Variants in PCDHB6 observed in about 807,000 individuals in gnomAD.
The protein encoded by PCDHB6 is protocadherin beta-6.
For missense variants in PCDHB6, 1,137 were observed against 1,010.1 expected, an observed-to-expected ratio of 1.13 and a Z score of -1.70; for synonymous variants, 506 against 459.0, an observed-to-expected ratio of 1.10 and a Z score of -1.31.
At position 141,153,129 on chromosome 5, in the gene PCDHB6, A is replaced by G. The variant is rs572876789; in HGVS notation, c.*487A>G. ...CATTCATACTTATGCATATTTTAGT[A>G]TCCCATAATAGTCAATCCAAAATTT... On this transcript the variant is annotated 3_prime_UTR_variant, in exon 1 of 1. Transcript: ENST00000231136. 1.2e-5 allele frequency: 2 copies of G among 167,124 alleles called. No homozygotes were observed. The highest frequency in any genetic ancestry group is 2.4e-5 in the African/African-American group (1 of 41,346). 10.4% of individuals were successfully genotyped at this position (167,124 alleles called of 1,614,324 possible).
At position 141,150,439 on chromosome 5, in the gene PCDHB6, G is replaced by A. The variant is rs782257197; in HGVS notation, c.182G>A (p.Arg61Gln). Residue 61 changes from arginine to glutamine, a missense_variant, in exon 1 of 1, where the codon CGG becomes CAG. Transcript: ENST00000231136. ...CTGAGGGTGGGGGAGCTGGCTTCGCGGGGCGCTCGGGTTGTTTTCAAAGGG... is the reference window on the plus strand; with the variant it reads ...CTGAGGGTGGGGGAGCTGGCTTCGCAGGGCGCTCGGGTTGTTTTCAAAGGG... The part of the protein sequence containing the change: ...LGLRVGELAS[R>Q]GARVVFKGNR... 8.1e-6 allele frequency: 13 copies of A among 1,613,946 alleles called. No individual in the cohort carries two copies. Among genetic ancestry groups the A allele is most frequent in the Admixed American group, 5.0e-5 (3 of 59,998 alleles).
In PCDHB6 at chr5:141,151,477, T is replaced by C. The variant is rs1752861384; in HGVS notation, c.1220T>C (p.Leu407Pro). ...NFYTLVTEGA[L>P]DRESRAEYNI... ...TACACCCTGGTAACAGAAGGCGCGC[T>C]GGACAGAGAGAGCAGAGCCGAGTAC... The change falls in exon 1 of 1, where the codon CTG becomes CCG. Residue 407 changes from leucine (L) to proline (P), a missense_variant. Leu to Pro is a moderately conservative substitution (Grantham distance 98). Transcript: ENST00000231136. The C allele has an allele frequency of 6.2e-7, 1 of 1,613,978 alleles. No individual in the cohort carries two copies. Among genetic ancestry groups the C allele is most frequent in the Admixed American group, 1.7e-5 (1 of 60,004 alleles).
rs1432255783 is a variant in PCDHB6, at chr5:141,153,104, CA to C, written c.*463del. On this transcript the variant is annotated 3_prime_UTR_variant, in exon 1 of 1. Coordinates refer to ENST00000231136, the MANE Select transcript of PCDHB6 (RefSeq NM_018939.4). ...AATGATGGCTAAACACTAAAGTAGC[CA>C]TTCATACTTATGCATATTTTAGTAT... 61 of 167,168 alleles carry C rather than the reference CA, an allele frequency of 3.6e-4. 1 individual carries two copies. Among genetic ancestry groups the C allele is most frequent in the Admixed American group, 2.6e-4 (4 of 15,292 alleles). The allele number at this position is 167,168 out of a possible 1,614,324, so 10.4% of individuals were successfully genotyped here.
Position 141,150,790 on chromosome 5 carries a change from A to C in PCDHB6, c.533A>C (p.His178Pro). 1.2e-6 allele frequency: 2 copies of C among 1,614,130 alleles called. No homozygotes were observed. Among genetic ancestry groups the C allele is most frequent in the Non-Finnish European group, 1.7e-6 (2 of 1,180,022 alleles). The change falls in exon 1 of 1, where the codon CAC (histidine) becomes CCC (proline). Residue 178 changes from histidine (H) to proline (P), a missense_variant. Physicochemically the swap from His to Pro is moderately conservative, Grantham distance 77. Transcript: ENST00000231136. ...RYTISSNPHF[H>P]VLTRNRSEGR... ...ACAATCAGCTCCAACCCTCACTTCC[A>C]CGTTCTCACCCGCAATCGCAGCGAA... is the stretch of plus-strand genomic sequence containing the variant.
In PCDHB6 at chr5:141,151,681, A is replaced by G; in HGVS notation, c.1424A>G (p.Asp475Gly). 1 of 1,613,260 alleles carries G rather than the reference A, an allele frequency of 6.2e-7. No individual in the cohort carries two copies. Among genetic ancestry groups the G allele is most frequent in the Non-Finnish European group, 8.5e-7 (1 of 1,180,010 alleles). ...ALHIGSVSAT[D>G]RDSGINAQVT... Reference sequence around the variant, plus strand: ...CACATCGGCAGCGTCAGCGCCACAGACAGAGACTCAGGCATCAACGCCCAG... The same window carrying G: ...CACATCGGCAGCGTCAGCGCCACAGGCAGAGACTCAGGCATCAACGCCCAG... Residue 475 changes from aspartate to glycine, a missense_variant, in exon 1 of 1, where the codon GAC becomes GGC. Coordinates refer to ENST00000231136, the MANE Select transcript of PCDHB6 (RefSeq NM_018939.4).
In PCDHB6 at chr5:141,150,467, C is replaced by G; in HGVS notation, c.210C>G (p.Asn70Lys). ...SRGARVVFKG[N>K]RQHLQFDPQT... ...GCGCTCGGGTTGTTTTCAAAGGGAA[C>G]AGACAACATTTGCAGTTTGATCCAC... Residue 70 changes from asparagine to lysine, a missense_variant, in exon 1 of 1, where the codon AAC becomes AAG. Asn to Lys is a moderately conservative substitution (Grantham distance 94). Transcript: ENST00000231136. 6.2e-7 allele frequency: 1 copy of G among 1,614,096 alleles called. No individual in the cohort carries two copies. The highest frequency in any genetic ancestry group is 8.5e-7 in the Non-Finnish European group (1 of 1,180,026).
Position 141,152,588 on chromosome 5 carries a change from T to A in PCDHB6, c.2331T>A (p.Thr777=). The A allele has an allele frequency of 6.2e-7, 1 of 1,612,796 alleles. No individual in the cohort carries two copies. The highest frequency in any genetic ancestry group is 8.5e-7 in the Non-Finnish European group (1 of 1,179,226). Reference sequence around the variant, plus strand: ...TGCCCAACTTCCCTCCTCAGGGCACTGAGAGAGAAATGGAAGAAACCCCCA... The same window carrying A: ...TGCCCAACTTCCCTCCTCAGGGCACAGAGAGAGAAATGGAAGAAACCCCCA... ...PIMPNFPPQG[T]EREMEETPTS... The change falls in exon 1 of 1, where the codon ACT becomes ACA. Residue 777 remains threonine (T), a synonymous_variant. Transcript: ENST00000231136.
In PCDHB6 at chr5:141,150,394, A is replaced by T. The variant is rs139700824; in HGVS notation, c.137A>T (p.Asn46Ile). ...EETESGTFVA[N>I]LTKDLGLRVG... ...ACAGAAAGTGGCACGTTTGTGGCCA[A>T]CTTGACAAAGGACCTGGGACTGAGG... is the stretch of plus-strand genomic sequence containing the variant. Residue 46 changes from asparagine to isoleucine, a missense_variant, in exon 1 of 1, where the codon AAC (asparagine) becomes ATC (isoleucine). Transcript: ENST00000231136. The T allele has an allele frequency of 3.7e-6, 6 of 1,614,172 alleles. No individual in the cohort carries two copies. Among genetic ancestry groups the T allele is most frequent in the South Asian group, 1.1e-5 (1 of 91,086 alleles).
At position 141,152,158 on chromosome 5, in the gene PCDHB6, C is replaced by T; in HGVS notation, c.1901C>T (p.Ala634Val). The T allele has an allele frequency of 1.2e-6, 2 of 1,608,230 alleles. No homozygotes were observed. The highest frequency in any genetic ancestry group is 1.7e-6 in the Non-Finnish European group (2 of 1,179,726). ...TARLLSERDA[A>V]KHRLVVLVKD... ...AGGCTGCTGAGCGAGCGAGACGCAG[C>T]CAAGCACAGGCTGGTGGTGCTTGTC... The change falls in exon 1 of 1, where the codon GCC becomes GTC. Residue 634 changes from alanine to valine, a missense_variant. By Grantham distance (64) the Ala-to-Val change is moderately conservative. Transcript: ENST00000231136.
chr5:141,151,056 G>T lies in PCDHB6; in HGVS notation c.799G>T (p.Asp267Tyr), dbSNP rs1554277595. The change falls in exon 1 of 1, where the codon GAT becomes TAT. Residue 267 changes from aspartate (D) to tyrosine (Y), a missense_variant. Physicochemically the swap from Asp to Tyr is radical, Grantham distance 160. Coordinates refer to ENST00000231136, the MANE Select transcript of PCDHB6 (RefSeq NM_018939.4). The stretch of plus-strand genomic sequence containing the variant: ...TCTGGTTATTACCGTCTCAGCCAGA[G>T]ATTTAGATGCAGGATCGTTTGGGAA... ...GSLVITVSAR[D>Y]LDAGSFGKVS... is the part of the protein sequence containing the mutation. The T allele has an allele frequency of 1.2e-5, 20 of 1,614,258 alleles. No homozygotes were observed. Among genetic ancestry groups the T allele is most frequent in the Non-Finnish European group, 1.7e-5 (20 of 1,180,044 alleles).
At position 141,150,544 on chromosome 5, in the gene PCDHB6, G is replaced by T. The variant is rs566877700; in HGVS notation, c.287G>T (p.Gly96Val). ...NEKLDREELC[G>V]STEPCVLPFQ... is the part of the protein sequence containing the mutation. The stretch of plus-strand genomic sequence containing the variant: ...AAACTGGACCGGGAGGAGCTGTGTG[G>T]CTCCACTGAGCCGTGTGTGCTACCT... Residue 96 changes from glycine to valine, a missense_variant, in exon 1 of 1, where the codon GGC becomes GTC. Physicochemically the swap from Gly to Val is moderately radical, Grantham distance 109 (BLOSUM62 -3). Coordinates refer to ENST00000231136, the MANE Select transcript of PCDHB6 (RefSeq NM_018939.4). 4 of 1,614,064 alleles carry T rather than the reference G, an allele frequency of 2.5e-6. No individual in the cohort carries two copies. In the East Asian group the frequency reaches 6.7e-5, roughly 27 times the overall value.
At position 141,151,268 on chromosome 5, in the gene PCDHB6, C is replaced by T. The variant is rs782630963; in HGVS notation, c.1011C>T (p.Asp337=). The T allele has an allele frequency of 1.2e-6, 2 of 1,614,122 alleles. No homozygotes were observed. The highest frequency in any genetic ancestry group is 2.2e-5 in the South Asian group (2 of 91,076). The change falls in exon 1 of 1, where the codon GAC becomes GAT. Residue 337 remains aspartate, a synonymous_variant. Transcript: ENST00000231136. ...GKCSLVVRVL[D]VNDNAPELTM... ...GCTCTTTAGTCGTCAGGGTCCTGGA[C>T]GTGAATGACAATGCCCCTGAACTCA... is the stretch of plus-strand genomic sequence containing the variant.
Position 141,150,265 on chromosome 5 carries a change from A to T in PCDHB6, c.8A>T (p.Gln3Leu). 6.2e-7 allele frequency: 1 copy of T among 1,607,286 alleles called. No homozygotes were observed. The highest frequency in any genetic ancestry group is 1.1e-5 in the South Asian group (1 of 90,732). The change falls in exon 1 of 1, where the codon CAA (glutamine) becomes CTA (leucine). Residue 3 changes from glutamine (Q) to leucine (L), a missense_variant. Gln to Leu is a moderately radical substitution (Grantham distance 113). Coordinates refer to ENST00000231136, the MANE Select transcript of PCDHB6 (RefSeq NM_018939.4). MM[Q>L]TKVQNKKRQV... ...TATTCAGACATAATAGACATGATGC[A>T]AACTAAAGTACAGAACAAGAAAAGG...
Position 141,151,408 on chromosome 5 carries a change from A to G in PCDHB6, c.1151A>G (p.Glu384Gly). ...AACCAACAGGTTATTTGTTCAATAG[A>G]GAACAATCTCCCCTTTCTACTAAGA... ...GHNQQVICSI[E>G]NNLPFLLRPS... Residue 384 changes from glutamate (E) to glycine (G), a missense_variant, in exon 1 of 1, where the codon GAG (glutamate) becomes GGG (glycine). Physicochemically the swap from Glu to Gly is moderately conservative, Grantham distance 98 (BLOSUM62 -2). Transcript: ENST00000231136. 6.2e-7 allele frequency: 1 copy of G among 1,614,144 alleles called. No homozygotes were observed. Among genetic ancestry groups the G allele is most frequent in the South Asian group, 1.1e-5 (1 of 91,084 alleles).
rs782050570 is a variant in PCDHB6, at chr5:141,152,355, C to A, written c.2098C>A (p.Leu700Ile). 6 of 1,610,830 alleles carry A rather than the reference C, an allele frequency of 3.7e-6. No homozygotes were observed. Among genetic ancestry groups the A allele is most frequent in the Non-Finnish European group, 5.1e-6 (6 of 1,179,874 alleles). Residue 700 changes from leucine (L) to isoleucine (I), a missense_variant, in exon 1 of 1, where the codon CTC becomes ATC. Transcript: ENST00000231136. ...VALASVSSLFLFSVLLFVAVR... is the reference protein window; with the variant it reads ...VALASVSSLFIFSVLLFVAVR... ...GTTGGCCTCGGTGTCGTCGCTCTTC[C>A]TCTTTTCGGTGCTCCTGTTCGTGGC...
chr5:141,152,830 C>A lies in PCDHB6; in HGVS notation c.*188C>A. On this transcript the variant is annotated 3_prime_UTR_variant, in exon 1 of 1. Transcript: ENST00000231136. ...TATTACTTCACTTGAGGGTACTTGA[C>A]AATATGAACAAAAAGTAAATTTTTA... The A allele has an allele frequency of 2.3e-6, 1 of 439,406 alleles. No homozygotes were observed. The highest frequency in any genetic ancestry group is 3.9e-6 in the Non-Finnish European group (1 of 254,568). The allele number at this position is 439,406 out of a possible 1,614,324, so 27.2% of individuals were successfully genotyped here. A position where few individuals can be genotyped will look rare whatever the true frequency, so the allele number is the denominator to read the frequency against.
chr5:141,151,492 G>A lies in PCDHB6; in HGVS notation c.1235G>A (p.Arg412Lys). 1 of 1,614,206 alleles carries A rather than the reference G, an allele frequency of 6.2e-7. No individual in the cohort carries two copies. Among genetic ancestry groups the A allele is most frequent in the Non-Finnish European group, 8.5e-7 (1 of 1,180,034 alleles). Residue 412 changes from arginine (R) to lysine (K), a missense_variant, in exon 1 of 1, where the codon AGA becomes AAA. Physicochemically the swap from Arg to Lys is conservative, Grantham distance 26. Coordinates refer to ENST00000231136, the MANE Select transcript of PCDHB6 (RefSeq NM_018939.4). ...GAAGGCGCGCTGGACAGAGAGAGCA[G>A]AGCCGAGTACAACATCACTATCACG... ...VTEGALDRESRAEYNITITVT... is the reference protein window; with the variant it reads ...VTEGALDRESKAEYNITITVT...
chr5:141,151,550 C>A lies in PCDHB6; in HGVS notation c.1293C>A (p.Thr431=). 1 of 1,614,170 alleles carries A rather than the reference C, an allele frequency of 6.2e-7. No homozygotes were observed. The highest frequency in any genetic ancestry group is 1.1e-5 in the South Asian group (1 of 91,080). The part of the protein sequence containing the change: ...VTDLGTPRLK[T]QQSITVQVSD... ...ATTTGGGGACACCAAGGCTGAAAAC[C>A]CAGCAGAGCATAACTGTGCAGGTCT... is the stretch of plus-strand genomic sequence containing the variant. The change falls in exon 1 of 1, where the codon ACC becomes ACA. Residue 431 remains threonine, a synonymous_variant. Coordinates refer to ENST00000231136, the MANE Select transcript of PCDHB6 (RefSeq NM_018939.4).
At position 141,152,421 on chromosome 5, in the gene PCDHB6, C is replaced by T. The variant is rs1440784518; in HGVS notation, c.2164C>T (p.Arg722Cys). ...GAGGAGCAGGGCGGCCTCGGTGGGTCGCTACTCGGTGCCCGAGGGTCCCTT... is the reference window on the plus strand; with the variant it reads ...GAGGAGCAGGGCGGCCTCGGTGGGTTGCTACTCGGTGCCCGAGGGTCCCTT... ...CRRSRAASVG[R>C]YSVPEGPFPG... Residue 722 changes from arginine to cysteine, a missense_variant, in exon 1 of 1, where the codon CGC becomes TGC. Transcript: ENST00000231136. 6.2e-7 allele frequency: 1 copy of T among 1,613,410 alleles called. No homozygotes were observed. Among genetic ancestry groups the T allele is most frequent in the Non-Finnish European group, 8.5e-7 (1 of 1,180,004 alleles).
Sources: allele counts gnomAD v4.1 joint callset, GRCh38; gene constraint gnomAD v4.1.1; transcripts MANE v1.5; gene names NCBI Gene and HGNC (gene_info 2026-07-23, HGNC 2026-07-21).